Variants in DLGAP1 observed in about 807,000 individuals in gnomAD.
DLGAP1 encodes the protein DLG associated protein 1.
Under a neutral mutation model 90.8 loss-of-function variants are expected in DLGAP1, and 11 were observed. That is an observed-to-expected ratio of 0.12 (90% CI 0.08 to 0.20). The LOEUF (loss-of-function observed/expected upper bound fraction) is 0.20, where lower values mean the gene tolerates loss of function less well. Ranked by LOEUF, DLGAP1 falls within the 10% of genes least tolerant of loss-of-function variation. DLGAP1 has a pLI of 1.00. For missense variants in DLGAP1, 1,050 were observed against 1,333.8 expected (o/e 0.79, Z 3.31); for synonymous variants, 558 against 540.7 (o/e 1.03, Z -0.44).
chr18:3,868,801 A>T (rs1195931064), intron 4 of DLGAP1, among the ~76,000 whole-genome samples: 1 of 152,210 alleles, frequency 6.6e-6, no homozygotes, highest in African/African-American at 2.4e-5. Context: ...AGAGGTCATG[A>T]GAGAGATCTG....
At chr18:3,845,354 T>C (rs1251481442) in intron 4 of DLGAP1, 14 of 1,553,130 alleles carry the variant, frequency 9.0e-6, no homozygotes, top group African/African-American at 1.4e-5. Context: ...TTGCCGATTC[T>C]AAGTGGTTGA....
intron 2 of DLGAP1, among the ~76,000 whole-genome samples, chr18:4,075,338 A>C (rs971366265): frequency 6.6e-6 from 1 of 152,202 alleles, no homozygotes; most frequent in African/African-American, 2.4e-5. Context: ...ACAGTGTAAA[A>C]AGAAATAGGG....
chr18:3,547,142 A>G (rs571501828), intron 9 of DLGAP1, among the ~76,000 whole-genome samples: 36 of 152,074 alleles, frequency 2.4e-4, no homozygotes, highest in Admixed American at 1.2e-3. Flanking sequence ...TCTACTAAAA[A>G]TACAAAAAAT....
chr18:3,877,440 GTGTTTTTGTTTT>G (rs942356006), intron 4 of DLGAP1, among the ~76,000 whole-genome samples: 1 of 152,134 alleles, frequency 6.6e-6, no homozygotes, highest in African/African-American at 2.4e-5. Context: ...TTAAGTACAG[GTGTTTTTGTTTT>G]TGTTTTTGTT....
intron 3 of DLGAP1, among the ~76,000 whole-genome samples, chr18:3,996,660 T>C (rs1180757893): frequency 6.6e-6 from 1 of 152,014 alleles, no homozygotes; most frequent in Non-Finnish European, 1.5e-5. Flanking sequence ...TTATTAAAAT[T>C]AATTATATTG....
At chr18:3,905,725 A>G (rs2071891776) in intron 3 of DLGAP1, among the ~76,000 whole-genome samples, 1 of 152,208 alleles carries the variant, frequency 6.6e-6, no homozygotes, top group African/African-American at 2.4e-5. Context: ...AAAAATAGCC[A>G]TGTCAGAAGA....
In DLGAP1 at chr18:3,653,493, T is replaced by A. The variant is rs939457660; in HGVS notation, c.1592-71245A>T. On this transcript the variant is annotated intron_variant, in intron 7 of 12. Coordinates refer to ENST00000315677, the MANE Select transcript of DLGAP1 (RefSeq NM_004746.4). This position sits in a 1 kb window ranked among gnomAD's most constrained non-coding sequence, Gnocchi z 4.6. ...GGACATTCCACCTTTAACCTTAGCA[T>A]TCATGAGACACAAAATGGGTTTTTC... The A allele has an allele frequency of 6.6e-6, 1 of 152,216 alleles. No homozygotes were observed. The highest frequency in any genetic ancestry group is 2.4e-5 in the African/African-American group (1 of 41,452). 9.4% of individuals were successfully genotyped at this position (152,216 alleles called of 1,614,324 possible).
chr18:4,348,291 T>C (rs1201206132), intron 1 of DLGAP1, among the ~76,000 whole-genome samples: 1 of 151,602 alleles, frequency 6.6e-6, no homozygotes. Flanking sequence ...ATACTGAGAG[T>C]GAAGTTTCTC....
intron 5 of DLGAP1, among the ~76,000 whole-genome samples, chr18:3,798,083 C>T (rs1374721019): frequency 2.6e-5 from 4 of 152,202 alleles, no homozygotes; most frequent in African/African-American, 4.8e-5. Flanking sequence ...TTATAAATTA[C>T]CCAGTCTTGG....
chr18:3,523,338 C>A (rs2051339247), intron 10 of DLGAP1, among the ~76,000 whole-genome samples: 1 of 151,476 alleles, frequency 6.6e-6, no homozygotes, highest in Non-Finnish European at 1.5e-5. Context: ...GATCACACTA[C>A]CGCACTCCAG....
chr18:4,009,008 G>A lies in DLGAP1; in HGVS notation c.-158-3807C>T, dbSNP rs974974604. Among the ~76,000 whole-genome samples, 11 of 152,246 alleles carry A rather than the reference G, an allele frequency of 7.2e-5. No individual in the cohort carries two copies. In the Middle Eastern group the frequency reaches 0.014, roughly 188 times the overall value. On this transcript the variant is annotated intron_variant, in intron 2 of 12. Coordinates refer to ENST00000315677, the MANE Select transcript of DLGAP1 (RefSeq NM_004746.4). ...AAGCTCTGCCTCCCGGGTTCACGCCGTTCTCCTGCCTCAGCCTTTGGAGTA... is the reference window on the plus strand; with the variant it reads ...AAGCTCTGCCTCCCGGGTTCACGCCATTCTCCTGCCTCAGCCTTTGGAGTA...
At chr18:3,699,255 A>G (rs2061197517) in intron 7 of DLGAP1, among the ~76,000 whole-genome samples, 2 of 151,934 alleles carry the variant, frequency 1.3e-5, no homozygotes, top group African/African-American at 4.8e-5. Flanking sequence ...GCCTTTTTGC[A>G]CTGGTTTTTC....
intron 7 of DLGAP1, among the ~76,000 whole-genome samples, chr18:3,632,674 A>G (rs1321667098): frequency 6.6e-6 from 1 of 152,080 alleles, no homozygotes; most frequent in Non-Finnish European, 1.5e-5. Context: ...GTTTCCTTGT[A>G]TGCTTGGTTA....
chr18:4,399,937 G>A, intron 1 of DLGAP1, among the ~76,000 whole-genome samples: 1 of 152,048 alleles, frequency 6.6e-6, no homozygotes, highest in Non-Finnish European at 1.5e-5. Flanking sequence ...AAAAAAGCTA[G>A]GTATGTCTAG....
intron 1 of DLGAP1, among the ~76,000 whole-genome samples, chr18:4,308,898 C>T (rs1363394675): frequency 1.3e-5 from 2 of 152,158 alleles, no homozygotes; most frequent in Non-Finnish European, 2.9e-5. Context: ...GTGTGAAATC[C>T]AAGCCCTTTA....
At chr18:4,248,541 G>C (rs2145178538) in intron 1 of DLGAP1, 1 of 152,314 alleles carries the variant, frequency 6.6e-6, no homozygotes, top group African/African-American at 2.4e-5. Context: ...AGGGGGGAAA[G>C]GGGAGACATT....
chr18:4,299,393 T>G (rs928521813), intron 1 of DLGAP1, among the ~76,000 whole-genome samples: 11 of 152,164 alleles, frequency 7.2e-5, no homozygotes, highest in Non-Finnish European at 1.5e-4. Context: ...TTTTTTTAAT[T>G]CAAATATTTA....
At chr18:3,619,800 G>T (rs571565648) in intron 7 of DLGAP1, among the ~76,000 whole-genome samples, 4 of 135,934 alleles carry the variant, frequency 2.9e-5, no homozygotes, top group South Asian at 4.8e-4. Flanking sequence ...GCCGGAGTTG[G>T]TTTTTTTTTG....
chr18:3,756,209 C>A (rs1340373701), intron 5 of DLGAP1, among the ~76,000 whole-genome samples: 1 of 151,948 alleles, frequency 6.6e-6, no homozygotes, highest in Non-Finnish European at 1.5e-5. Context: ...ACCACGATGC[C>A]CGGCTAATCT....
Sources: gnomAD v4.1 joint callset for allele counts (sites outside exome capture counted in the v4.1 genomes callset) on GRCh38, gnomAD v4.1.1 for gene constraint, Gnocchi (gnomAD v3.1) non-coding constraint, MANE v1.5 for transcripts, NCBI Gene and HGNC (gene_info 2026-07-23, HGNC 2026-07-21) for gene names.